TXNDC8: variants seen among roughly 807,000 people sequenced by gnomAD.
TXNDC8 encodes the protein thioredoxin domain containing 8.
In TXNDC8, 15 loss-of-function variants were observed where a neutral mutation model predicts 12.9. That is an observed-to-expected ratio of 1.16 (90% CI 0.78 to 1.79). The LOEUF is 1.79. TXNDC8 is among the 40% of genes most tolerant of loss of function. The probability of loss-of-function intolerance (pLI) is 0.00; values close to 1 mark genes in which losing one functional copy is unlikely to be tolerated. For missense variants in TXNDC8, 128 were observed against 113.2 expected (o/e 1.13, Z -0.59); for synonymous variants, 40 against 35.4 (o/e 1.13, Z -0.46).
chr9:110,303,392 G>T (rs183854289), downstream of TXNDC8: 1 of 1,042,690 alleles, frequency 9.6e-7, no homozygotes, highest in African/African-American at 1.6e-5. Flanking sequence ...TTGCATTATG[G>T]TATTCAACCA....
chr9:110,311,862 C>T (rs1838702818), intron 3 of TXNDC8, among the ~76,000 whole-genome samples: 1 of 143,376 alleles, frequency 7.0e-6, no homozygotes, highest in Non-Finnish European at 1.5e-5. Flanking sequence ...ATACTATATA[C>T]TATATATATA....
At chr9:110,303,091 A>ATTTC (rs1411850897), downstream of TXNDC8, among the ~76,000 whole-genome samples, 123 of 152,270 alleles carry the variant, frequency 8.1e-4, 1 homozygote, top group East Asian at 0.022. Flanking sequence ...TTGGAGAAGA[A>ATTTC]TTTTGTACCA....
chr9:110,317,573 T>C (rs933400615), intron 3 of TXNDC8, among the ~76,000 whole-genome samples: 1 of 152,226 alleles, frequency 6.6e-6, no homozygotes, highest in Admixed American at 6.5e-5. Flanking sequence ...TGGGGCTTGA[T>C]AGTTGTGCAA....
chr9:110,303,150 A>G (rs1317478314), downstream of TXNDC8, among the ~76,000 whole-genome samples: 1 of 152,208 alleles, frequency 6.6e-6, no homozygotes, highest in Non-Finnish European at 1.5e-5. Flanking sequence ...AAAGTGCACG[A>G]GGGCACTAAG....
At chr9:110,302,193 G>A (rs1017353618), downstream of TXNDC8, among the ~76,000 whole-genome samples, 9 of 151,148 alleles carry the variant, frequency 6.0e-5, no homozygotes, top group African/African-American at 2.2e-4. Context: ...TAGAGACAGA[G>A]TCTAGCTATG....
intron 2 of TXNDC8, among the ~76,000 whole-genome samples, chr9:110,327,047 A>T (rs924244139): frequency 1.3e-5 from 2 of 152,110 alleles, no homozygotes; most frequent in African/African-American, 4.8e-5. Context: ...TTACTATTAG[A>T]CAATTACGCA....
At chr9:110,309,754 G>A (rs1838594159) in intron 3 of TXNDC8, among the ~76,000 whole-genome samples, 1 of 152,210 alleles carries the variant, frequency 6.6e-6, no homozygotes, top group South Asian at 2.1e-4. Flanking sequence ...GCATGTAAGA[G>A]GGTAGAAACA....
chr9:110,330,084 C>G (rs534513158), intron 2 of TXNDC8, among the ~76,000 whole-genome samples: 1 of 152,264 alleles, frequency 6.6e-6, no homozygotes, highest in African/African-American at 2.4e-5. Flanking sequence ...AATGTCAGCT[C>G]CTGGGTATCT....
chr9:110,317,855 T>C (rs534715624), intron 3 of TXNDC8, among the ~76,000 whole-genome samples: 1 of 152,364 alleles, frequency 6.6e-6, no homozygotes, highest in African/African-American at 2.4e-5. Context: ...AAGAGAACTA[T>C]GTTTGACCCT....
chr9:110,329,256 A>G (rs1266791211), intron 2 of TXNDC8: 5 of 1,611,874 alleles, frequency 3.1e-6, no homozygotes, highest in South Asian at 1.1e-5. Flanking sequence ...CATCCACATT[A>G]GCAAAAAATA....
At chr9:110,334,175 A>G in intron 2 of TXNDC8, 41 bp downstream of exon 2, 1 of 1,483,896 alleles carries the variant, frequency 6.7e-7, no homozygotes, top group Admixed American at 2.1e-5. Context: ...GGAACTTTAA[A>G]TTTCTTCTGA....
chr9:110,302,172 T>C (rs1383860184), downstream of TXNDC8, among the ~76,000 whole-genome samples: 3 of 151,894 alleles, frequency 2.0e-5, no homozygotes, highest in Non-Finnish European at 4.4e-5. Flanking sequence ...GTATTTTTTT[T>C]TTCTTTTTTA....
At chr9:110,331,460 T>G (rs1425323000) in intron 2 of TXNDC8, among the ~76,000 whole-genome samples, 1 of 152,034 alleles carries the variant, frequency 6.6e-6, no homozygotes, top group Non-Finnish European at 1.5e-5. Context: ...TTCGTGGAGT[T>G]TCTGTCCCAA....
intron 3 of TXNDC8, among the ~76,000 whole-genome samples, chr9:110,320,110 T>C (rs1839034404): frequency 6.6e-6 from 1 of 152,230 alleles, no homozygotes; most frequent in African/African-American, 2.4e-5. Context: ...GAGTCAACTT[T>C]TGATGGTTGG....
At chr9:110,305,583 TTTCTTTC>T (rs1245890985) in intron 3 of TXNDC8, among the ~76,000 whole-genome samples, 15 of 140,736 alleles carry the variant, frequency 1.1e-4, no homozygotes, top group Non-Finnish European at 1.5e-4. Context: ...TCTTTCTTTC[TTTCTTTC>T]TTTCTTTCTT....
At position 110,304,645 on chromosome 9, in the gene TXNDC8, C is replaced by T; in HGVS notation, c.196-113G>A. On this transcript the variant is annotated intron_variant, in intron 3 of 4. Transcript: ENST00000423740. ...AGGGAAGGAAGGTGTCAGAAAGGAT[C>T]TGCAAAAGTTTCTCTTTGCTAAGAG... The T allele has an allele frequency of 4.2e-6, 4 of 953,122 alleles. No homozygotes were observed. The South Asian group carries it at 6.5e-5, about 16-fold the overall frequency. 59.0% of individuals were successfully genotyped at this position (953,122 alleles called of 1,614,324 possible). A position where few individuals can be genotyped will look rare whatever the true frequency, so the allele number is the denominator to read the frequency against.
chr9:110,321,152 A>T (rs1052134072), intron 3 of TXNDC8, among the ~76,000 whole-genome samples: 8 of 152,222 alleles, frequency 5.3e-5, no homozygotes, highest in African/African-American at 1.9e-4. Flanking sequence ...AATGAGCTAG[A>T]ATCAAGGGGA....
intron 3 of TXNDC8, among the ~76,000 whole-genome samples, chr9:110,308,207 C>G (rs898645807): frequency 3.3e-5 from 5 of 152,224 alleles, no homozygotes; most frequent in Non-Finnish European, 1.5e-5. Flanking sequence ...TGCTGTACAA[C>G]TCCCTTTTTT....
intron 3 of TXNDC8, among the ~76,000 whole-genome samples, chr9:110,306,763 T>C (rs1183043728): frequency 1.1e-4 from 16 of 152,172 alleles, no homozygotes; most frequent in Non-Finnish European, 5.9e-5. Flanking sequence ...TCATCTTTTC[T>C]CACTTGCTAT....
Sources: allele counts gnomAD v4.1 joint callset (sites outside exome capture counted in the v4.1 genomes callset), GRCh38; gene constraint gnomAD v4.1.1; transcripts MANE v1.5; gene names NCBI Gene and HGNC (gene_info 2026-07-23, HGNC 2026-07-21).